The following ZHX3 variants were observed in gnomAD, a reference collection of about 807,000 sequenced individuals.
The protein encoded by ZHX3 is zinc fingers and homeoboxes protein 3.
A neutral mutation model predicts 64.5 loss-of-function variants in ZHX3; 20 were observed. The ratio of observed to expected loss-of-function variants is 0.31; its 90% CI spans 0.22 to 0.45. The LOEUF is 0.45. Among genes scored for constraint, ZHX3 ranks in the 20% least tolerant of loss-of-function variants. The probability of loss-of-function intolerance (pLI) is 1.00; values close to 1 mark genes in which losing one functional copy is unlikely to be tolerated. For missense variants in ZHX3, 1,041 were observed against 1,195.8 expected, an observed-to-expected ratio of 0.87 and a Z score of 1.91; for synonymous variants, 423 against 461.6, an observed-to-expected ratio of 0.92 and a Z score of 1.07.
chr20:41,244,444 C>A (rs1369336762), intron 2 of ZHX3, among the ~76,000 whole-genome samples: 1 of 152,132 alleles, frequency 6.6e-6, no homozygotes, highest in African/African-American at 2.4e-5. Context: ...GCTGAGCCAG[C>A]AGGATCACTT....
intron 2 of ZHX3, among the ~76,000 whole-genome samples, chr20:41,216,869 T>G (rs995849900): frequency 6.6e-6 from 1 of 152,232 alleles, no homozygotes; most frequent in Non-Finnish European, 1.5e-5. Flanking sequence ...ATTCTTGCTA[T>G]TTTCAGTCTT....
intron 2 of ZHX3, among the ~76,000 whole-genome samples, chr20:41,257,673 G>A (rs1387892728): frequency 2.7e-5 from 4 of 149,186 alleles, no homozygotes; most frequent in Non-Finnish European, 5.9e-5. Context: ...GTGCAGTGGC[G>A]TGATCTCAGC....
At chr20:41,298,999 T>C (rs1187477448) in intron 1 of ZHX3, among the ~76,000 whole-genome samples, 1 of 152,178 alleles carries the variant, frequency 6.6e-6, no homozygotes, top group Non-Finnish European at 1.5e-5. Flanking sequence ...ATCTCACCAG[T>C]GGGCATACTG....
At chr20:41,241,476 A>G (rs78707726) in intron 2 of ZHX3, among the ~76,000 whole-genome samples, 10,831 of 152,152 alleles carry the variant, frequency 0.071, 431 homozygotes, top group Middle Eastern at 0.17. Flanking sequence ...CACTTTGTTA[A>G]TTGTTCCCCT....
rs767642190 is a variant in ZHX3 at position 41,203,218 on chromosome 20, T to C, written c.1699A>G (p.Ile567Val). The C allele has an allele frequency of 1.4e-5, 22 of 1,614,020 alleles. No individual in the cohort carries two copies. The highest frequency in any genetic ancestry group is 1.9e-5 in the Non-Finnish European group (22 of 1,180,044). The part of the protein sequence containing the change: ...AMIPGDHSSI[I>V]IDSVPEVSFS... Reference sequence around the variant, plus strand: ...GACACCTCTGGCACAGAGTCAATGATGATGGAACTGTGATCTCCAGGTATC... The same window carrying C: ...GACACCTCTGGCACAGAGTCAATGACGATGGAACTGTGATCTCCAGGTATC... The change falls in exon 3 of 4, where the codon ATC becomes GTC. Residue 567 changes from isoleucine to valine, a missense_variant. Physicochemically the swap from Ile to Val is conservative, Grantham distance 29. Transcript: ENST00000683867. This position sits in a 1 kb window ranked among gnomAD's most constrained non-coding sequence, Gnocchi z 7.1.
At chr20:41,286,737 G>C (rs2146718729) in intron 1 of ZHX3, among the ~76,000 whole-genome samples, 1 of 152,164 alleles carries the variant, frequency 6.6e-6, no homozygotes, top group East Asian at 1.9e-4. Context: ...TAATCACAGA[G>C]TTTTGCTCTG....
intron 3 of ZHX3, among the ~76,000 whole-genome samples, chr20:41,193,672 G>C (rs2037233855): frequency 6.7e-6 from 1 of 150,008 alleles, no homozygotes; most frequent in Non-Finnish European, 1.5e-5. Context: ...TTTTGTGTGT[G>C]TGTGGATTCA....
chr20:41,186,235 T>C (rs540422926), intron 3 of ZHX3, among the ~76,000 whole-genome samples: 209 of 152,334 alleles, frequency 1.4e-3, no homozygotes, highest in African/African-American at 4.8e-3. Context: ...AGATACCTCA[T>C]GTAAGTTGAA....
In ZHX3 at chr20:41,201,756, C is replaced by T. The variant is rs1375693004; in HGVS notation, c.2860+301G>A. ...TGCCCGACTCAGAGGATGTTTTGAC[C>T]TGTTCTCCTATTGCTAAGAAATGGC... is the stretch of plus-strand genomic sequence containing the variant. On this transcript the variant is annotated intron_variant, in intron 3 of 3. Transcript: ENST00000683867. This position sits in a 1 kb window ranked among gnomAD's most constrained non-coding sequence, Gnocchi z 5.0. Among the ~76,000 whole-genome samples, 1 of 152,218 alleles carries T rather than the reference C, an allele frequency of 6.6e-6. No individual in the cohort carries two copies. The highest frequency in any genetic ancestry group is 1.9e-4 in the East Asian group (1 of 5,198).
chr20:41,245,374 C>T (rs541362905), intron 2 of ZHX3, among the ~76,000 whole-genome samples: 4 of 152,358 alleles, frequency 2.6e-5, no homozygotes, highest in Non-Finnish European at 5.9e-5. Flanking sequence ...CTGTAGCTGC[C>T]TGCTTGTCTG....
At chr20:41,233,060 C>G (rs1234102928) in intron 2 of ZHX3, among the ~76,000 whole-genome samples, 1 of 152,230 alleles carries the variant, frequency 6.6e-6, no homozygotes, top group Non-Finnish European at 1.5e-5. Context: ...AAGCCTGTTA[C>G]ACAAGCAACC....
intron 3 of ZHX3, among the ~76,000 whole-genome samples, chr20:41,190,402 C>T (rs771108176): frequency 3.3e-5 from 5 of 152,164 alleles, no homozygotes; most frequent in African/African-American, 4.8e-5. Flanking sequence ...AGCTCCTGAC[C>T]TCAGGTGATC....
At chr20:41,272,526 T>TTCC (rs377127775) in intron 1 of ZHX3, among the ~76,000 whole-genome samples, 6 of 151,704 alleles carry the variant, frequency 4.0e-5, no homozygotes, top group Middle Eastern at 3.2e-3. Flanking sequence ...GTCACTTCTA[T>TTCC]TCCTCCTCCT....
chr20:41,281,877 G>C (rs569696586), intron 1 of ZHX3, among the ~76,000 whole-genome samples: 1 of 152,336 alleles, frequency 6.6e-6, no homozygotes, highest in South Asian at 2.1e-4. Flanking sequence ...CTGAAATGTA[G>C]AGTGGATGGG....
At chr20:41,276,638 C>T (rs1424799853) in intron 1 of ZHX3, among the ~76,000 whole-genome samples, 3 of 152,164 alleles carry the variant, frequency 2.0e-5, no homozygotes, top group South Asian at 4.1e-4. Context: ...TTGAGGCGTC[C>T]GCCTGGGACT....
intron 1 of ZHX3, among the ~76,000 whole-genome samples, chr20:41,303,811 C>A (rs1368702236): frequency 6.6e-6 from 1 of 152,156 alleles, no homozygotes; most frequent in Non-Finnish European, 1.5e-5. Context: ...ATCCTAAAAT[C>A]ACCCCTTCCT....
intron 2 of ZHX3, among the ~76,000 whole-genome samples, chr20:41,223,058 G>C (rs1167561953): frequency 6.6e-6 from 1 of 152,088 alleles, no homozygotes; most frequent in African/African-American, 2.4e-5. Context: ...TTACACACAA[G>C]AAAAAATGCT....
intron 1 of ZHX3, among the ~76,000 whole-genome samples, chr20:41,311,291 T>G (rs931868686): frequency 2.0e-5 from 3 of 152,220 alleles, no homozygotes; most frequent in African/African-American, 7.2e-5. Flanking sequence ...TTGTGTATAA[T>G]TCTGCTCCTC....
chr20:41,286,207 A>T (rs1016680436), intron 1 of ZHX3, among the ~76,000 whole-genome samples: 1 of 152,210 alleles, frequency 6.6e-6, no homozygotes, highest in Non-Finnish European at 1.5e-5. Flanking sequence ...GAATTGTATC[A>T]TTGCTGCCTG....
Sources: gnomAD v4.1 joint callset for allele counts (sites outside exome capture counted in the v4.1 genomes callset) on GRCh38, gnomAD v4.1.1 for gene constraint, Gnocchi (gnomAD v3.1) non-coding constraint, MANE v1.5 for transcripts, NCBI Gene and HGNC (gene_info 2026-07-23, HGNC 2026-07-21) for gene names.